The following PRR16 variants were observed in gnomAD, a reference collection of about 807,000 sequenced individuals.
PRR16 encodes the protein proline rich 16.
PRR16 carries 6 observed loss-of-function variants against 18.2 expected under a neutral mutation model. That is an observed-to-expected ratio of 0.33 (90% CI 0.18 to 0.65). The LOEUF is 0.65. PRR16 is among the 30% of genes least tolerant of loss of function. The probability of loss-of-function intolerance (pLI) is 0.74; values close to 1 mark genes in which losing one functional copy is unlikely to be tolerated. For missense variants in PRR16, 412 were observed against 376.6 expected (o/e 1.09, Z -0.78); for synonymous variants, 151 against 147.8 (o/e 1.02, Z -0.16).
chr5:120,503,636 C>G (rs1424909969), intron 1 of PRR16, among the ~76,000 whole-genome samples: 1 of 151,910 alleles, frequency 6.6e-6, no homozygotes, highest in Non-Finnish European at 1.5e-5. Context: ...CTGTTGGAGG[C>G]AGTGATTTTT....
chr5:120,553,707 C>T (rs1165659043), intron 1 of PRR16, among the ~76,000 whole-genome samples: 1 of 151,840 alleles, frequency 6.6e-6, no homozygotes, highest in Non-Finnish European at 1.5e-5. Flanking sequence ...TTTCATTCCG[C>T]AATTCTGATT....
At chr5:120,763,796 TTTTA>T in the PRR16 span, among the ~76,000 whole-genome samples, 2 of 152,074 alleles carry the variant, frequency 1.3e-5, no homozygotes, top group Non-Finnish European at 2.9e-5. Context: ...TTCCTAGGTG[TTTTA>T]TTTATTTATT....
the PRR16 span, among the ~76,000 whole-genome samples, chr5:120,743,260 C>G: frequency 1.9e-4 from 29 of 151,812 alleles, no homozygotes; most frequent in Non-Finnish European, 2.9e-5. Context: ...TTTATTTTCA[C>G]TTTTATTTAA....
intron 1 of PRR16, chr5:120,481,064 T>C (rs1432968625): frequency 8.8e-7 from 1 of 1,130,442 alleles, no homozygotes; most frequent in Non-Finnish European, 1.1e-6. Flanking sequence ...TGGCAGGCAA[T>C]ACTTTGGCCC....
chr5:120,739,615 C>T, the PRR16 span, among the ~76,000 whole-genome samples: 1 of 152,118 alleles, frequency 6.6e-6, no homozygotes, highest in African/African-American at 2.4e-5. Context: ...TTACATTGTA[C>T]ATAGGACGTC....
chr5:120,569,426 C>G (rs1752836122), intron 1 of PRR16, among the ~76,000 whole-genome samples: 1 of 152,096 alleles, frequency 6.6e-6, no homozygotes, highest in African/African-American at 2.4e-5. Context: ...AATCTGTATA[C>G]TTGAAATGGA....
intron 1 of PRR16, among the ~76,000 whole-genome samples, chr5:120,503,613 C>A (rs1750540164): frequency 6.6e-6 from 1 of 152,002 alleles, no homozygotes. Context: ...AACCTGTTTG[C>A]ATAATAATCC....
At chr5:120,679,933 G>C (rs371803438) in intron 1 of PRR16, among the ~76,000 whole-genome samples, 1 of 152,116 alleles carries the variant, frequency 6.6e-6, no homozygotes, top group East Asian at 1.9e-4. Flanking sequence ...TGTACAATAT[G>C]AGGGCTATAG....
At chr5:120,647,821 C>T (rs890996311) in intron 1 of PRR16, among the ~76,000 whole-genome samples, 1 of 151,892 alleles carries the variant, frequency 6.6e-6, no homozygotes, top group South Asian at 2.1e-4. Context: ...ACAAAAAACT[C>T]GTGTTTATAA....
the PRR16 span, among the ~76,000 whole-genome samples, chr5:120,700,804 C>G: frequency 0.011 from 1,625 of 152,160 alleles, 26 homozygotes; most frequent in African/African-American, 0.038. Flanking sequence ...CAAAGCTCGG[C>G]GTCGGTGATG....
intron 1 of PRR16, among the ~76,000 whole-genome samples, chr5:120,660,809 TATG>T (rs748683770): frequency 1.3e-5 from 2 of 152,108 alleles, no homozygotes; most frequent in Non-Finnish European, 2.9e-5. Context: ...TATTTTAAAT[TATG>T]ATAGTATTTA....
chr5:120,788,552 T>C, the PRR16 span, among the ~76,000 whole-genome samples: 1 of 152,074 alleles, frequency 6.6e-6, no homozygotes, highest in African/African-American at 2.4e-5. Flanking sequence ...TGGTTTCCTT[T>C]ACATACATAG....
the PRR16 span, among the ~76,000 whole-genome samples, chr5:120,785,953 AAT>A: frequency 6.6e-6 from 1 of 150,772 alleles, no homozygotes; most frequent in Non-Finnish European, 1.5e-5. Flanking sequence ...CTTCCATGGC[AAT>A]ATATATATTT....
chr5:120,666,559 A>C (rs1756384418), intron 1 of PRR16, among the ~76,000 whole-genome samples: 1 of 151,968 alleles, frequency 6.6e-6, no homozygotes. Flanking sequence ...GAATGCTTCC[A>C]GTTTTTGCCC....
chr5:120,620,859 T>G (rs1212159743), intron 1 of PRR16, among the ~76,000 whole-genome samples: 1 of 152,112 alleles, frequency 6.6e-6, no homozygotes, highest in Non-Finnish European at 1.5e-5. Context: ...AATTCCAACT[T>G]TGTATCATTA....
chr5:120,719,649 C>T, the PRR16 span, among the ~76,000 whole-genome samples: 1 of 151,916 alleles, frequency 6.6e-6, no homozygotes, highest in Non-Finnish European at 1.5e-5. Context: ...ATGCATATGT[C>T]CAATTCTAGG....
At chr5:120,757,178 G>T in the PRR16 span, among the ~76,000 whole-genome samples, 2 of 151,812 alleles carry the variant, frequency 1.3e-5, no homozygotes, top group South Asian at 2.1e-4. Flanking sequence ...TGGTCTATTT[G>T]TCTGCTTTTG....
chr5:120,794,084 T>C, the PRR16 span, among the ~76,000 whole-genome samples: 1 of 152,118 alleles, frequency 6.6e-6, no homozygotes, highest in Admixed American at 6.6e-5. Flanking sequence ...AAGACTAAGA[T>C]GACATTTTCC....
At chr5:120,753,763 AAAG>A in the PRR16 span, among the ~76,000 whole-genome samples, 1 of 146,420 alleles carries the variant, frequency 6.8e-6, no homozygotes, top group African/African-American at 2.5e-5. Context: ...TTTGAATAAA[AAAG>A]TTCTTCAGTT....
Sources: allele counts gnomAD v4.1 joint callset (sites outside exome capture counted in the v4.1 genomes callset), GRCh38; gene constraint gnomAD v4.1.1; transcripts MANE v1.5; gene names NCBI Gene and HGNC (gene_info 2026-07-23, HGNC 2026-07-21).